The following SASH1 variants were observed in gnomAD, a reference collection of about 807,000 sequenced individuals.
SASH1 encodes the protein SAM and SH3 domain-containing protein 1.
Under a neutral mutation model 125.2 loss-of-function variants are expected in SASH1, and 44 were observed. That is an observed-to-expected ratio of 0.35 (90% confidence interval 0.28 to 0.45). The LOEUF (loss-of-function observed/expected upper bound fraction) is 0.45, where lower values mean the gene tolerates loss of function less well. Among genes scored for constraint, SASH1 ranks in the 20% least tolerant of loss-of-function variants. The pLI, the probability that SASH1 is intolerant of heterozygous loss-of-function variation, is 1.00. For synonymous variants in SASH1, 639 were observed against 649.1 expected, an observed-to-expected ratio of 0.98 and a Z score of 0.24; for missense variants, 1,426 against 1,614.5, an observed-to-expected ratio of 0.88 and a Z score of 2.00.
the SASH1 span, among the ~76,000 whole-genome samples, chr6:148,212,923 C>T: frequency 0.071 from 10,736 of 152,156 alleles, 490 homozygotes; most frequent in African/African-American, 0.12. Flanking sequence ...GTGATGGGGA[C>T]GGTAGAGCAG....
At chr6:148,465,829 T>C (rs1304425394) in intron 4 of SASH1, among the ~76,000 whole-genome samples, 1 of 152,198 alleles carries the variant, frequency 6.6e-6, no homozygotes, top group Non-Finnish European at 1.5e-5. Context: ...AGCTTGCTCT[T>C]ATTTTGCTCC....
chr6:148,368,770 G>GCACACACACACACA (rs377455429), intron 1 of SASH1, among the ~76,000 whole-genome samples: 3,105 of 135,712 alleles, frequency 0.023, 51 homozygotes, highest in South Asian at 0.05. Flanking sequence ...GCACGCGCGC[G>GCACACACACACACA]CACACACACA....
Position 148,508,815 on chromosome 6 carries a change from G to A in SASH1, c.730-5509G>A, listed in dbSNP as rs183910327. 5.9e-6 allele frequency: 4 copies of A among 676,544 alleles called. No homozygotes were observed. In the East Asian group the frequency reaches 2.2e-4, roughly 37 times the overall value. The allele number at this position is 676,544 out of a possible 1,614,324, so 41.9% of individuals were successfully genotyped here. The stretch of plus-strand genomic sequence containing the variant: ...AGTGAAGACGCTCTCCGAGTGGGGA[G>A]GGGGGTGGGAGGTACAGGACGTCTT... On this transcript the variant is annotated intron_variant, in intron 8 of 19. Coordinates refer to ENST00000367467, the MANE Select transcript of SASH1 (RefSeq NM_015278.5).
rs1171233212 is a variant in SASH1 at position 148,416,631 on chromosome 6, CA to C, written c.286-23552del. Among the ~76,000 whole-genome samples, 5 of 152,298 alleles carry C rather than the reference CA, an allele frequency of 3.3e-5. No individual in the cohort carries two copies. In the East Asian group the frequency reaches 9.6e-4, roughly 29 times the overall value. On this transcript the variant is annotated intron_variant, in intron 2 of 19. Coordinates refer to ENST00000367467, the MANE Select transcript of SASH1 (RefSeq NM_015278.5). ...CCTGCAGGAAGAGGGGGCTCCTGCACACACGCCACCAGCTCAGAACAGTGGC... is the reference window on the plus strand; with the variant it reads ...CCTGCAGGAAGAGGGGGCTCCTGCACCACGCCACCAGCTCAGAACAGTGGC...
chr6:148,364,445 A>G (rs1382139652), intron 1 of SASH1, among the ~76,000 whole-genome samples: 1 of 152,154 alleles, frequency 6.6e-6, no homozygotes, highest in Non-Finnish European at 1.5e-5. Flanking sequence ...ATGACAGTGG[A>G]ATCAGTAATT....
At chr6:148,527,159 A>G in intron 11 of SASH1, 1 of 248,600 alleles carries the variant, frequency 4.0e-6, no homozygotes, top group Non-Finnish European at 7.6e-6. Flanking sequence ...TACTGATGAA[A>G]TGCAGCCCCC....
chr6:148,398,397 C>T (rs1328349671), intron 2 of SASH1, among the ~76,000 whole-genome samples: 2 of 152,128 alleles, frequency 1.3e-5, no homozygotes, highest in African/African-American at 4.8e-5. Context: ...TTGTTATTTG[C>T]TACAGACAGC....
At chr6:148,514,932 G>A (rs764655060) in intron 9 of SASH1, among the ~76,000 whole-genome samples, 18 of 152,178 alleles carry the variant, frequency 1.2e-4, no homozygotes, top group Non-Finnish European at 2.2e-4. Context: ...TCTTCCTGTA[G>A]AGAGTCTCAA....
At chr6:148,224,478 A>G in the SASH1 span, among the ~76,000 whole-genome samples, 3 of 151,900 alleles carry the variant, frequency 2.0e-5, no homozygotes, top group Admixed American at 2.0e-4. Flanking sequence ...ATCCTGCCTC[A>G]GGCTCCCAAA....
chr6:148,512,428 T>A (rs891439921), intron 8 of SASH1: 1 of 976,926 alleles, frequency 1.0e-6, no homozygotes, highest in East Asian at 1.1e-4. Flanking sequence ...GAGAGCAGAA[T>A]GTTTTTAAAT....
chr6:148,516,503 TCCCC>T (rs1780449517), intron 9 of SASH1, among the ~76,000 whole-genome samples: 1 of 42,226 alleles, frequency 2.4e-5, no homozygotes, highest in Admixed American at 2.3e-4. Flanking sequence ...CCCTCCCCCC[TCCCC>T]CCTCCCCCGC....
At chr6:148,403,485 G>A (rs751881589) in intron 2 of SASH1, among the ~76,000 whole-genome samples, 10 of 152,032 alleles carry the variant, frequency 6.6e-5, no homozygotes, top group South Asian at 6.2e-4. Flanking sequence ...GAATTGTAAC[G>A]TCTCTTAATA....
intron 2 of SASH1, among the ~76,000 whole-genome samples, chr6:148,399,287 G>T (rs963918889): frequency 5.0e-5 from 7 of 140,990 alleles, no homozygotes; most frequent in Admixed American, 1.5e-4. Flanking sequence ...GCGTGATCTC[G>T]GCTCACTGGA....
At position 148,544,478 on chromosome 6, in the gene SASH1, T is replaced by A; in HGVS notation, c.3008T>A (p.Val1003Asp). ...RERLANGLHP[V>D]PMGPSGALPS... ...CGCCTTGCTAACGGACTCCACCCTG[T>A]TCCCATGGGCCCCAGTGGGGCCCTC... The change falls in exon 18 of 20, where the codon GTT (valine) becomes GAT (aspartate). Residue 1003 changes from valine to aspartate, a missense_variant. By Grantham distance (152) the Val-to-Asp change is radical. This residue lies in a region of SASH1 where 634 missense variants were observed against 694.4 expected (regional missense o/e 0.91). Transcript: ENST00000367467. This position sits in a 1 kb window ranked among gnomAD's most constrained non-coding sequence, Gnocchi z 6.4. The A allele has an allele frequency of 6.2e-7, 1 of 1,614,008 alleles. No homozygotes were observed. The highest frequency in any genetic ancestry group is 8.5e-7 in the Non-Finnish European group (1 of 1,179,998).
chr6:148,389,951 G>T (rs1222279473), intron 1 of SASH1, among the ~76,000 whole-genome samples, 183 bp from the exon 2 acceptor site: 2 of 152,192 alleles, frequency 1.3e-5, no homozygotes, highest in Non-Finnish European at 2.9e-5. Flanking sequence ...GAAAAAACAG[G>T]CCCCTGTCAG....
chr6:148,304,027 G>T (rs116392885), intron 1 of SASH1, among the ~76,000 whole-genome samples: 1 of 152,038 alleles, frequency 6.6e-6, no homozygotes. Context: ...ATCGGGGGCC[G>T]GGTGCGATGG....
intron 1 of SASH1, among the ~76,000 whole-genome samples, chr6:148,353,040 A>G (rs904288294): frequency 6.6e-6 from 1 of 152,088 alleles, no homozygotes; most frequent in Non-Finnish European, 1.5e-5. Flanking sequence ...ATATGAATTA[A>G]TATATCTTTA....
At position 148,529,301 on chromosome 6, in the gene SASH1, G is replaced by A. The variant is rs1190905219; in HGVS notation, c.1428+1705G>A. Among the ~76,000 whole-genome samples the A allele has an allele frequency of 6.6e-6, 1 of 152,216 alleles. No homozygotes were observed. Among genetic ancestry groups the A allele is most frequent in the East Asian group, 1.9e-4 (1 of 5,198 alleles). ...AGGACGGTCTGCACAGCAAAGAGCTGTCCATCAAAATGATCAGTGCTCAGG... is the reference window on the plus strand; with the variant it reads ...AGGACGGTCTGCACAGCAAAGAGCTATCCATCAAAATGATCAGTGCTCAGG... On this transcript the variant is annotated intron_variant, in intron 12 of 19. Coordinates refer to ENST00000367467, the MANE Select transcript of SASH1 (RefSeq NM_015278.5). This position sits in a 1 kb window ranked among gnomAD's most constrained non-coding sequence, Gnocchi z 4.2.
intron 2 of SASH1, among the ~76,000 whole-genome samples, chr6:148,394,695 T>C (rs1783872590): frequency 6.6e-6 from 1 of 152,102 alleles, no homozygotes; most frequent in Non-Finnish European, 1.5e-5. Context: ...CCCAGGCTGG[T>C]GTGCATTGGC....
Sources: allele counts gnomAD v4.1 joint callset (sites outside exome capture counted in the v4.1 genomes callset), GRCh38; gene constraint gnomAD v4.1.1; regional missense constraint gnomAD v4.1.1; non-coding constraint Gnocchi (gnomAD v3.1); transcripts MANE v1.5; gene names NCBI Gene and HGNC (gene_info 2026-07-23, HGNC 2026-07-21).